GABRB3: variants seen among roughly 807,000 people sequenced by gnomAD.
The protein encoded by GABRB3 is gamma-aminobutyric acid receptor subunit beta-3.
GABRB3 carries 14 observed loss-of-function variants against 52.1 expected under a neutral mutation model. The ratio of observed to expected loss-of-function variants is 0.27; its 90% confidence interval spans 0.18 to 0.42. The LOEUF (loss-of-function observed/expected upper bound fraction) is 0.42, where lower values mean the gene tolerates loss of function less well. Ranked by LOEUF, GABRB3 falls within the 10% of genes least tolerant of loss-of-function variation. The pLI is 1.00. For synonymous variants in GABRB3, 260 were observed against 232.3 expected (o/e 1.12, Z -1.08); for missense variants, 307 against 609.1 (o/e 0.50, Z 5.22).
Position 26,629,378 on chromosome 15 carries a change from C to T in GABRB3, c.241-7844G>A, listed in dbSNP as rs74004622. 0.15 allele frequency among the ~76,000 whole-genome samples: 22,781 copies of T among 152,204 alleles called. 1,791 individuals are homozygous for T. The highest frequency in any genetic ancestry group is 0.22 in the African/African-American group (8,950 of 41,502). ...CGCGGCGCTGTGCGGCGTGGAGAAC[C>T]TCGCCCTGGGAGGGTGGGCCTGATT... On this transcript the variant is annotated intron_variant, in intron 3 of 8. Coordinates refer to ENST00000311550, the MANE Select transcript of GABRB3 (RefSeq NM_000814.6).
chr15:26,706,272 G>A (rs899919327), intron 3 of GABRB3, among the ~76,000 whole-genome samples: 12 of 152,106 alleles, frequency 7.9e-5, no homozygotes, highest in Admixed American at 2.0e-4. Context: ...CTCATGCAAC[G>A]AAACAACCAG....
chr15:26,687,348 C>T (rs1888437905), intron 3 of GABRB3, among the ~76,000 whole-genome samples: 1 of 152,198 alleles, frequency 6.6e-6, no homozygotes, highest in South Asian at 2.1e-4. Flanking sequence ...TTTATTAAAT[C>T]ATATGTTCAC....
At chr15:26,594,018 T>C (rs572190898) in intron 4 of GABRB3, among the ~76,000 whole-genome samples, 3 of 144,058 alleles carry the variant, frequency 2.1e-5, no homozygotes, top group Non-Finnish European at 3.1e-5. Flanking sequence ...GCCATCCTAA[T>C]GTGTGTGATG....
intron 3 of GABRB3, among the ~76,000 whole-genome samples, chr15:26,633,450 G>A (rs770910418): frequency 2.6e-4 from 40 of 152,048 alleles, no homozygotes; most frequent in Non-Finnish European, 4.0e-4. Context: ...CTGTTATTAC[G>A]AACCTTGTTT....
chr15:26,721,280 A>G (rs1044710307), intron 3 of GABRB3, among the ~76,000 whole-genome samples: 13 of 152,178 alleles, frequency 8.5e-5, no homozygotes, highest in Non-Finnish European at 4.4e-5. Context: ...CTCTGGAAAC[A>G]GAGCAGAAGT....
chr15:26,656,174 G>T (rs1449374178), intron 3 of GABRB3, among the ~76,000 whole-genome samples: 1 of 152,208 alleles, frequency 6.6e-6, no homozygotes, highest in East Asian at 1.9e-4. Context: ...GCTGAGCTTT[G>T]TCACTCTCAG....
chr15:26,712,721 G>T (rs1408365099), intron 3 of GABRB3, among the ~76,000 whole-genome samples: 2 of 152,150 alleles, frequency 1.3e-5, no homozygotes, highest in Non-Finnish European at 2.9e-5. Context: ...GGCGAGGAGG[G>T]GGAGAGAAAG....
intron 3 of GABRB3, among the ~76,000 whole-genome samples, chr15:26,667,508 G>A (rs1887753424): frequency 6.6e-6 from 1 of 152,180 alleles, no homozygotes; most frequent in African/African-American, 2.4e-5. Flanking sequence ...GCTAGCGCTG[G>A]CTGTTTTAAA....
intron 8 of GABRB3, among the ~76,000 whole-genome samples, chr15:26,558,332 C>A (rs1889832957): frequency 1.3e-5 from 2 of 152,176 alleles, no homozygotes; most frequent in East Asian, 3.9e-4. Context: ...ACTTAATGTG[C>A]TTCCATGGGT....
chr15:26,768,616 T>C (rs1891060094), intron 3 of GABRB3, among the ~76,000 whole-genome samples: 1 of 152,180 alleles, frequency 6.6e-6, no homozygotes, highest in South Asian at 2.1e-4. Flanking sequence ...CACACAGTAA[T>C]TTTCAGCAGA....
chr15:26,662,262 C>T (rs2194958), intron 3 of GABRB3, among the ~76,000 whole-genome samples: 93,108 of 152,044 alleles, frequency 0.61, 29,008 homozygotes, highest in East Asian at 0.95. Context: ...TGCTACAATT[C>T]TCAAAGATTC....
intron 3 of GABRB3, among the ~76,000 whole-genome samples, chr15:26,761,492 CAG>C (rs34399164): frequency 0.21 from 31,823 of 151,864 alleles, 4,097 homozygotes; most frequent in Non-Finnish European, 0.28. Context: ...TTCATCCAAA[CAG>C]AATTTCATTT....
intron 4 of GABRB3, among the ~76,000 whole-genome samples, chr15:26,609,211 T>C (rs1891968691): frequency 6.6e-6 from 1 of 151,952 alleles, no homozygotes; most frequent in African/African-American, 2.4e-5. Flanking sequence ...TGGAGAACAT[T>C]ATACTAAGTG....
chr15:26,760,809 G>GCGCACACACA (rs371524450), intron 3 of GABRB3, among the ~76,000 whole-genome samples: 8,006 of 149,368 alleles, frequency 0.054, 248 homozygotes, highest in Middle Eastern at 0.13. Context: ...ACACGCGCAC[G>GCGCACACACA]CACACACACA....
intron 4 of GABRB3, among the ~76,000 whole-genome samples, chr15:26,606,161 C>A (rs775311181): frequency 6.6e-6 from 1 of 151,992 alleles, no homozygotes; most frequent in Admixed American, 6.6e-5. Flanking sequence ...TGGACAGGGG[C>A]ACAGATCAAA....
At chr15:26,736,319 A>C (rs926255478) in intron 3 of GABRB3, among the ~76,000 whole-genome samples, 1 of 152,246 alleles carries the variant, frequency 6.6e-6, no homozygotes, top group African/African-American at 2.4e-5. Context: ...AATCACATAC[A>C]GTTACTTTCC....
chr15:26,669,713 A>C (rs1887828532), intron 3 of GABRB3, among the ~76,000 whole-genome samples: 1 of 151,700 alleles, frequency 6.6e-6, no homozygotes, highest in Admixed American at 6.6e-5. Flanking sequence ...TCTCTTGGCT[A>C]CTTAAATACT....
chr15:26,658,886 G>A (rs1887456298), intron 3 of GABRB3: 1 of 152,162 alleles, frequency 6.6e-6, no homozygotes, highest in Non-Finnish European at 1.5e-5. Flanking sequence ...AACAACAAAG[G>A]AAGTCACAGG....
intron 3 of GABRB3, among the ~76,000 whole-genome samples, chr15:26,753,843 GCAGGCTA>G (rs1890583903): frequency 6.6e-6 from 1 of 152,166 alleles, no homozygotes; most frequent in Admixed American, 6.5e-5. Flanking sequence ...TGGGGCGAGG[GCAGGCTA>G]CAGGTAAACC....
Sources: gnomAD v4.1 joint callset for allele counts (sites outside exome capture counted in the v4.1 genomes callset) on GRCh38, gnomAD v4.1.1 for gene constraint, MANE v1.5 for transcripts, NCBI Gene and HGNC (gene_info 2026-07-23, HGNC 2026-07-21) for gene names.